Variants in TMEM266 observed in about 807,000 individuals in gnomAD.
TMEM266 encodes the protein transmembrane protein 266, also known as Hv1 related protein 1.
A neutral mutation model predicts 50.5 loss-of-function variants in TMEM266; 33 were observed. The observed-to-expected ratio is 0.65, with a 90% CI of 0.50 to 0.87. The LOEUF (loss-of-function observed/expected upper bound fraction) is 0.87, where lower values mean the gene tolerates loss of function less well. Among genes scored for constraint, TMEM266 ranks in the 40% least tolerant of loss-of-function variants. The pLI is 0.00. For missense variants in TMEM266, 655 were observed against 695.1 expected, an observed-to-expected ratio of 0.94 and a Z score of 0.65; for synonymous variants, 310 against 292.3, an observed-to-expected ratio of 1.06 and a Z score of -0.62.
chr15:76,140,630 C>T (rs1450515646), intron 3 of TMEM266, among the ~76,000 whole-genome samples: 2 of 152,158 alleles, frequency 1.3e-5, no homozygotes, highest in African/African-American at 4.8e-5. Flanking sequence ...TTTCAATTTC[C>T]CTGAATCTGA....
intron 9 of TMEM266, among the ~76,000 whole-genome samples, chr15:76,197,822 C>T (rs2038677528): frequency 6.6e-6 from 1 of 152,232 alleles, no homozygotes; most frequent in South Asian, 2.1e-4. Context: ...TCCCCACCAC[C>T]TCCAGGAAGC....
intron 1 of TMEM266, among the ~76,000 whole-genome samples, chr15:76,096,304 G>A (rs769017056): frequency 5.3e-5 from 8 of 151,794 alleles, no homozygotes; most frequent in East Asian, 1.9e-4. Context: ...ATTCTGAAAC[G>A]TTGTGTTTTC....
intron 3 of TMEM266, among the ~76,000 whole-genome samples, chr15:76,156,325 A>C (rs977818945): frequency 6.6e-6 from 1 of 152,196 alleles, no homozygotes; most frequent in Non-Finnish European, 1.5e-5. Flanking sequence ...GCACCACTGC[A>C]CTCCAGCCTG....
chr15:76,070,058 G>A (rs1280741725), intron 1 of TMEM266, among the ~76,000 whole-genome samples: 1 of 152,188 alleles, frequency 6.6e-6, no homozygotes, highest in Non-Finnish European at 1.5e-5. Context: ...GAAGGAATGT[G>A]TTTATCTGGG....
At chr15:76,192,941 C>A (rs749624951) in intron 9 of TMEM266, among the ~76,000 whole-genome samples, 43 of 152,190 alleles carry the variant, frequency 2.8e-4, no homozygotes, top group Non-Finnish European at 4.7e-4. Context: ...GGCTGTGGGA[C>A]CCAAAACCCC....
intron 4 of TMEM266, among the ~76,000 whole-genome samples, chr15:76,159,475 C>A (rs1036166076): frequency 6.6e-6 from 1 of 151,904 alleles, no homozygotes; most frequent in Non-Finnish European, 1.5e-5. Flanking sequence ...TTTAGCAGAC[C>A]TCATCCCACT....
intron 2 of TMEM266, among the ~76,000 whole-genome samples, chr15:76,137,052 A>T (rs1462050970): frequency 6.6e-6 from 1 of 152,112 alleles, no homozygotes; most frequent in African/African-American, 2.4e-5. Flanking sequence ...GCCCTCAGAC[A>T]TTGGATCAAG....
chr15:76,152,150 C>G (rs573257154), intron 3 of TMEM266, among the ~76,000 whole-genome samples: 2 of 152,290 alleles, frequency 1.3e-5, no homozygotes, highest in African/African-American at 4.8e-5. Context: ...ACCATCTTTT[C>G]CTTGACAGTG....
chr15:76,172,434 G>C (rs912358978), intron 7 of TMEM266, among the ~76,000 whole-genome samples: 1 of 152,210 alleles, frequency 6.6e-6, no homozygotes. Flanking sequence ...TTGAAGCCAT[G>C]AGAATATTCC....
chr15:76,166,323 G>T (rs905809396), intron 5 of TMEM266, among the ~76,000 whole-genome samples: 12 of 152,194 alleles, frequency 7.9e-5, no homozygotes, highest in African/African-American at 2.9e-4. Context: ...CCCATCTCTA[G>T]CAGGAGGCCT....
intron 9 of TMEM266, among the ~76,000 whole-genome samples, chr15:76,194,354 C>T (rs1391804568): frequency 1.3e-5 from 2 of 152,210 alleles, no homozygotes; most frequent in Non-Finnish European, 2.9e-5. Flanking sequence ...TATGTCTGGA[C>T]CTTGCCCAGC....
intron 8 of TMEM266, among the ~76,000 whole-genome samples, chr15:76,180,101 A>G (rs1411701601): frequency 6.6e-6 from 1 of 152,180 alleles, no homozygotes; most frequent in Non-Finnish European, 1.5e-5. Flanking sequence ...ACAGTTTTAT[A>G]TTGACCAAAA....
At chr15:76,141,924 C>G (rs1253402418) in intron 3 of TMEM266, among the ~76,000 whole-genome samples, 1 of 152,238 alleles carries the variant, frequency 6.6e-6, no homozygotes, top group Non-Finnish European at 1.5e-5. Context: ...GAATTTCTTT[C>G]CTTTTTAAAA....
chr15:76,146,922 G>GC (rs2037765739), intron 3 of TMEM266, among the ~76,000 whole-genome samples: 2 of 152,224 alleles, frequency 1.3e-5, no homozygotes, highest in Non-Finnish European at 2.9e-5. Flanking sequence ...CCAGTACCGG[G>GC]CCAGGGGCTT....
intron 3 of TMEM266, among the ~76,000 whole-genome samples, chr15:76,145,488 C>T (rs2037743483): frequency 6.6e-6 from 1 of 152,216 alleles, no homozygotes; most frequent in Admixed American, 6.5e-5. Flanking sequence ...TCCCAGAAGC[C>T]TCCAGCAGCT....
chr15:76,165,786 G>C (rs1039930158), intron 5 of TMEM266, among the ~76,000 whole-genome samples: 1 of 152,208 alleles, frequency 6.6e-6, no homozygotes, highest in Non-Finnish European at 1.5e-5. Flanking sequence ...AGTGTCAGGT[G>C]GTTAGTAAGG....
intron 3 of TMEM266, among the ~76,000 whole-genome samples, chr15:76,147,367 G>C (rs1013500279): frequency 3.9e-5 from 6 of 152,250 alleles, no homozygotes; most frequent in Non-Finnish European, 7.3e-5. Flanking sequence ...ATTGATCCCT[G>C]CCATGGCCAT....
intron 1 of TMEM266, chr15:76,112,164 CAG>C (rs1195065016): frequency 6.6e-6 from 1 of 152,190 alleles, no homozygotes; most frequent in Non-Finnish European, 1.5e-5. Context: ...AGGTGGAGCA[CAG>C]GGGCTATTTA....
rs562597683 is a variant in TMEM266 at position 76,187,513 on chromosome 15, C to T, written c.769-4455C>T. Reference sequence around the variant, plus strand: ...ATGGGCCTTCAGTCGCCTCTGAGACCTTGCTGCCAGAGGGTTGGCTTGCAC... The same window carrying T: ...ATGGGCCTTCAGTCGCCTCTGAGACTTTGCTGCCAGAGGGTTGGCTTGCAC... On this transcript the variant is annotated intron_variant, in intron 8 of 10. Coordinates refer to ENST00000388942, the MANE Select transcript of TMEM266 (RefSeq NM_152335.3). Among the ~76,000 whole-genome samples the T allele has an allele frequency of 3.3e-5, 5 of 152,336 alleles. No individual in the cohort carries two copies. In the South Asian group the frequency reaches 1.0e-3, roughly 32 times the overall value.
Sources: gnomAD v4.1 joint callset for allele counts (sites outside exome capture counted in the v4.1 genomes callset) on GRCh38, gnomAD v4.1.1 for gene constraint, MANE v1.5 for transcripts, NCBI Gene and HGNC (gene_info 2026-07-23, HGNC 2026-07-21) for gene names.